Variants in OR1S2 observed in about 807,000 individuals in gnomAD.
OR1S2 encodes the protein olfactory receptor 1S2.
A neutral mutation model predicts 1.7 loss-of-function variants in OR1S2; 1 was observed. The observed-to-expected ratio is 0.59, with a 90% CI of 0.21 to 2.81. OR1S2 has a LOEUF of 2.81. OR1S2 is among the 30% of genes most tolerant of loss of function. OR1S2 has a pLI of 0.22. For synonymous variants in OR1S2, 157 were observed against 145.3 expected (o/e 1.08, Z -0.58); for missense variants, 391 against 371.6 (o/e 1.05, Z -0.43).
chr11:58,203,769 G>A lies in OR1S2; in HGVS notation c.374C>T (p.Ala125Val), dbSNP rs149153142. ...TGTATAGTTCAGAGGGTGGCAGATC[G>A]CCACAAAGTGGTCGAAGGCCATGGT... Residue 125 changes from alanine to valine, a missense_variant, in exon 1 of 1, where the codon GCG becomes GTG. Physicochemically the swap from Ala to Val is moderately conservative, Grantham distance 64. Coordinates refer to ENST00000641683, the Ensembl canonical transcript of OR1S2. 4.4e-5 allele frequency: 71 copies of A among 1,613,968 alleles called. 2 individuals are homozygous for A. The Middle Eastern group carries it at 4.9e-4, about 11-fold the overall frequency.
At chr11:58,203,312 T>A in exon 1 of OR1S2, 1 of 1,614,064 alleles carries the variant, frequency 6.2e-7, no homozygotes, top group South Asian at 1.1e-5. Flanking sequence ...CCACAGTGAA[T>A]AGGACAGCAC....
exon 1 of OR1S2, chr11:58,203,656 G>C: frequency 6.2e-7 from 1 of 1,614,168 alleles, no homozygotes; most frequent in Middle Eastern, 1.6e-4. Flanking sequence ...AATTGAATGA[G>C]CAGAAGGGTG....
At chr11:58,203,292 A>C (rs1854867699) in exon 1 of OR1S2, 2 of 1,613,976 alleles carry the variant, frequency 1.2e-6, no homozygotes, top group African/African-American at 2.7e-5. Flanking sequence ...GGGGTTCATC[A>C]TGGGTGTCAC....
exon 1 of OR1S2, chr11:58,204,043 T>C: frequency 6.2e-7 from 1 of 1,614,010 alleles, no homozygotes; most frequent in East Asian, 2.2e-5. Context: ...ACCACATACA[T>C]ACTCAGGAAA....
chr11:58,203,232 A>C (rs1178482431), exon 1 of OR1S2: 34 of 1,610,434 alleles, frequency 2.1e-5, no homozygotes, highest in Non-Finnish European at 2.7e-5. Context: ...TCTATTGATG[A>C]GCTTTCTCAG....
exon 1 of OR1S2, chr11:58,204,067 G>T (rs1854882985): frequency 1.2e-6 from 2 of 1,614,008 alleles, no homozygotes; most frequent in Non-Finnish European, 1.7e-6. Flanking sequence ...ACAAAGAGGA[G>T]GTTTTGATGT....
Position 58,203,934 on chromosome 11 carries a change from T to C in OR1S2, c.209A>G (p.Asp70Gly), listed in dbSNP as rs150077104. 35 of 1,613,936 alleles carry C rather than the reference T, an allele frequency of 2.2e-5. No individual in the cohort carries two copies. The African/African-American group carries it at 4.4e-4, about 20-fold the overall frequency. The change falls in exon 1 of 1, where the codon GAT becomes GGT. Residue 70 changes from aspartate (D) to glycine (G), a missense_variant. Coordinates refer to ENST00000641683, the Ensembl canonical transcript of OR1S2. ...GACTGAGTTGGAAATGGAGGAAATATCAGCAAAGGATAGGTAGGCAAGGAA... is the reference window on the plus strand; with the variant it reads ...GACTGAGTTGGAAATGGAGGAAATACCAGCAAAGGATAGGTAGGCAAGGAA...
At chr11:58,204,041 C>A (rs1854882524) in exon 1 of OR1S2, 1 of 1,613,960 alleles carries the variant, frequency 6.2e-7, no homozygotes, top group Non-Finnish European at 8.5e-7. Flanking sequence ...TGACCACATA[C>A]ATACTCAGGA....
exon 1 of OR1S2, chr11:58,203,228 G>A: frequency 1.9e-6 from 3 of 1,609,740 alleles, no homozygotes; most frequent in Non-Finnish European, 2.5e-6. Flanking sequence ...TTTTTCTATT[G>A]ATGAGCTTTC....
At chr11:58,203,766 A>T (rs773668381) in exon 1 of OR1S2, 1 of 1,614,110 alleles carries the variant, frequency 6.2e-7, no homozygotes, top group Admixed American at 1.7e-5. Context: ...AGGGTGGCAG[A>T]TCGCCACAAA....
In OR1S2 at chr11:58,203,648, T is replaced by C. The variant is rs138097955; in HGVS notation, c.495A>G (p.Gln165=). Residue 165 remains glutamine, a synonymous_variant, in exon 1 of 1, where the codon CAA becomes CAG. Transcript: ENST00000641683. ...GAGTGTTGTGGTCACAGAAGAGCAA[T>C]TGAATGAGCAGAAGGGTGTGTGTAA... The C allele has an allele frequency of 3.1e-4, 500 of 1,613,634 alleles. 3 individuals are homozygous for C. The East Asian group carries it at 7.6e-3, about 25-fold the overall frequency.
chr11:58,204,021 C>G lies in OR1S2; in HGVS notation c.122G>C (p.Gly41Ala), dbSNP rs779871237. 2.6e-5 allele frequency: 42 copies of G among 1,613,834 alleles called. No individual in the cohort carries two copies. Among genetic ancestry groups the G allele is most frequent in the Non-Finnish European group, 3.1e-5 (36 of 1,179,954 alleles). ...GATAGCCACAATGATGAGCCCGTTCCCAACCACAGTGACCACATACATACT... is the reference window on the plus strand; with the variant it reads ...GATAGCCACAATGATGAGCCCGTTCGCAACCACAGTGACCACATACATACT... The change falls in exon 1 of 1, where the codon GGG becomes GCG. Residue 41 changes from glycine to alanine, a missense_variant. Physicochemically the swap from Gly to Ala is moderately conservative, Grantham distance 60 (BLOSUM62 0). Coordinates refer to ENST00000641683, the Ensembl canonical transcript of OR1S2.
exon 1 of OR1S2, chr11:58,203,900 C>T (rs368896774): frequency 1.9e-6 from 3 of 1,614,072 alleles, no homozygotes; most frequent in Non-Finnish European, 1.7e-6. Flanking sequence ...TATTCACCAG[C>T]ATTTTGGGGA....
exon 1 of OR1S2, chr11:58,203,307 G>A: frequency 6.2e-7 from 1 of 1,614,112 alleles, no homozygotes; most frequent in South Asian, 1.1e-5. Context: ...TGTCACCACA[G>A]TGAATAGGAC....
At chr11:58,203,468 G>A (rs371531797) in exon 1 of OR1S2, 1 of 1,613,936 alleles carries the variant, frequency 6.2e-7, no homozygotes, top group African/African-American at 1.3e-5. Flanking sequence ...ATACTCCCAG[G>A]ACAGCTCTGA....
At chr11:58,203,294 G>A (rs1171829963) in exon 1 of OR1S2, 1 of 1,614,082 alleles carries the variant, frequency 6.2e-7, no homozygotes, top group Non-Finnish European at 8.5e-7. Context: ...GGTTCATCAT[G>A]GGTGTCACCA....
At chr11:58,203,731 C>T in exon 1 of OR1S2, 1 of 1,613,366 alleles carries the variant, frequency 6.2e-7, no homozygotes, top group East Asian at 2.2e-5. Flanking sequence ...CCGAACCTGG[C>T]CCGCATGAAA....
chr11:58,203,594 A>G, exon 1 of OR1S2: 3 of 1,614,192 alleles, frequency 1.9e-6, no homozygotes, highest in Non-Finnish European at 2.5e-6. Flanking sequence ...GTTTGAGCAG[A>G]GGGGCCAAGT....
exon 1 of OR1S2, chr11:58,204,017 G>C: frequency 1.9e-6 from 3 of 1,614,008 alleles, no homozygotes; most frequent in Non-Finnish European, 2.5e-6. Flanking sequence ...TGATGAGCCC[G>C]TTCCCAACCA....
Sources: gnomAD v4.1 joint callset for allele counts on GRCh38, gnomAD v4.1.1 for gene constraint, MANE v1.5 for transcripts, NCBI Gene and HGNC (gene_info 2026-07-23, HGNC 2026-07-21) for gene names.